SCN9A: variants seen among roughly 807,000 people sequenced by gnomAD.
SCN9A encodes sodium channel protein type 9 subunit alpha.
A neutral mutation model predicts 187.0 loss-of-function variants in SCN9A; 131 were observed. That is an observed-to-expected ratio of 0.70 (90% CI 0.61 to 0.81). SCN9A has a LOEUF of 0.81. Ranked by LOEUF, SCN9A falls within the 30% of genes least tolerant of loss-of-function variation. SCN9A has a pLI of 0.00. For synonymous variants in SCN9A, 809 were observed against 808.6 expected (o/e 1.00, Z -0.01); for missense variants, 2,252 against 2,396.6 (o/e 0.94, Z 1.26).
At chr2:166,314,960 T>A (rs1291754672) in intron 1 of SCN9A, among the ~76,000 whole-genome samples, 1 of 152,206 alleles carries the variant, frequency 6.6e-6, no homozygotes, top group Non-Finnish European at 1.5e-5. Flanking sequence ...GGTGATTTTT[T>A]ATGGTGTGTA....
At chr2:166,369,166 A>C (rs6732242) in intron 1 of SCN9A, among the ~76,000 whole-genome samples, 46,222 of 151,476 alleles carry the variant, frequency 0.31, 9,741 homozygotes, top group African/African-American at 0.6. Flanking sequence ...AATATACTCT[A>C]TATATAACAT....
intron 1 of SCN9A, among the ~76,000 whole-genome samples, chr2:166,325,607 C>T (rs905002129): frequency 5.9e-5 from 9 of 152,124 alleles, no homozygotes; most frequent in South Asian, 4.1e-4. Flanking sequence ...TTAACTCCCT[C>T]AACCATGGTA....
intron 1 of SCN9A, among the ~76,000 whole-genome samples, chr2:166,337,878 T>C (rs1699667427): frequency 6.6e-6 from 1 of 152,122 alleles, no homozygotes; most frequent in South Asian, 2.1e-4. Flanking sequence ...AGAATCATAC[T>C]TGAACCAATA....
chr2:166,240,481 T>A (rs1558975393), intron 19 of SCN9A, among the ~76,000 whole-genome samples: 2 of 152,156 alleles, frequency 1.3e-5, no homozygotes, highest in East Asian at 3.8e-4. Flanking sequence ...AATGTCTTCC[T>A]CTGTTTTAGA....
At chr2:166,230,350 C>T (rs1460779041) in intron 21 of SCN9A, among the ~76,000 whole-genome samples, 1 of 152,106 alleles carries the variant, frequency 6.6e-6, no homozygotes, top group Non-Finnish European at 1.5e-5. Flanking sequence ...CAGATTCTTA[C>T]AGTCTATGTG....
intron 1 of SCN9A, among the ~76,000 whole-genome samples, chr2:166,331,232 G>T (rs1034803277): frequency 6.6e-6 from 1 of 151,906 alleles, no homozygotes; most frequent in South Asian, 2.1e-4. Context: ...TATCAATTTT[G>T]TAATGGAGAA....
intron 1 of SCN9A, among the ~76,000 whole-genome samples, chr2:166,322,850 C>T (rs915898236): frequency 6.6e-6 from 1 of 152,118 alleles, no homozygotes; most frequent in African/African-American, 2.4e-5. Flanking sequence ...TACTTACTAG[C>T]TAAATGATCT....
intron 1 of SCN9A, among the ~76,000 whole-genome samples, chr2:166,370,192 AAAT>A (rs752123654): frequency 0.021 from 3,007 of 141,260 alleles, 85 homozygotes; most frequent in Admixed American, 0.069. Context: ...CCCCCAGTTA[AAAT>A]AATAATAATA....
chr2:166,304,019 C>A, intron 6 of SCN9A: 1 of 1,611,024 alleles, frequency 6.2e-7, no homozygotes, highest in Non-Finnish European at 8.5e-7. Context: ...TGGTGTTTAA[C>A]CCCACTCTCA....
intron 24 of SCN9A, among the ~76,000 whole-genome samples, chr2:166,217,407 C>T (rs1428489893): frequency 6.6e-6 from 1 of 151,904 alleles, no homozygotes; most frequent in African/African-American, 2.4e-5. Flanking sequence ...GAAGCAATAA[C>T]AGAGTGGAGA....
chr2:166,228,835 T>C lies in SCN9A; in HGVS notation c.4062A>G (p.Thr1354=), dbSNP rs751214967. The C allele has an allele frequency of 7.4e-6, 12 of 1,613,872 alleles. No homozygotes were observed. Among genetic ancestry groups the C allele is most frequent in the Admixed American group, 3.3e-5 (2 of 60,002 alleles). ...AGKFYECINT[T]DGSRFPASQV... ...GACTTGCAGGAAACCGTGACCCATCTGTGGTGTTAATACACTCATAGAACT... is the reference window on the plus strand; with the variant it reads ...GACTTGCAGGAAACCGTGACCCATCCGTGGTGTTAATACACTCATAGAACT... The change falls in exon 22 of 27, where the codon ACA becomes ACG. Residue 1354 remains threonine, a synonymous_variant. Transcript: ENST00000642356.
At chr2:166,266,044 T>A (rs1360116865) in intron 17 of SCN9A, among the ~76,000 whole-genome samples, 1 of 152,076 alleles carries the variant, frequency 6.6e-6, no homozygotes, top group African/African-American at 2.4e-5. Flanking sequence ...TTTGCCTTGC[T>A]GTGCAGAAGC....
chr2:166,278,254 A>G lies in SCN9A; in HGVS notation c.2403T>C (p.Tyr801=). Reference sequence around the variant, plus strand: ...TATTCCAGCCTACTTGGAAATACTCATATGGATCCATGGCAATCAGTTTTA... The same window carrying G: ...TATTCCAGCCTACTTGGAAATACTCGTATGGATCCATGGCAATCAGTTTTA... ...MVLKLIAMDP[Y]EYFQVGWNIF... is the part of the protein sequence containing the mutation. Residue 801 remains tyrosine (Y), a synonymous_variant, in exon 15 of 27, where the codon TAT becomes TAC. Coordinates refer to ENST00000642356, the MANE Select transcript of SCN9A (RefSeq NM_001365536.1). 1.2e-6 allele frequency: 2 copies of G among 1,612,294 alleles called. No homozygotes were observed. Among genetic ancestry groups the G allele is most frequent in the South Asian group, 2.2e-5 (2 of 90,864 alleles).
At chr2:166,304,595 A>T (rs1338167278) in intron 5 of SCN9A, among the ~76,000 whole-genome samples, 1 of 152,140 alleles carries the variant, frequency 6.6e-6, no homozygotes, top group Admixed American at 6.6e-5. Context: ...TTGGACCCTT[A>T]ACATTATGGT....
chr2:166,373,675 A>T (rs1700617866), intron 1 of SCN9A, among the ~76,000 whole-genome samples: 1 of 152,160 alleles, frequency 6.6e-6, no homozygotes, highest in South Asian at 2.1e-4. Context: ...TATTCAGATA[A>T]TGAAGATGGG....
At chr2:166,221,411 T>C (rs1159574254) in intron 24 of SCN9A, among the ~76,000 whole-genome samples, 1 of 152,170 alleles carries the variant, frequency 6.6e-6, no homozygotes, top group Non-Finnish European at 1.5e-5. Flanking sequence ...TATTTATTTA[T>C]TTATTGAGAG....
Position 166,203,990 on chromosome 2 carries a change from A to T in SCN9A, c.4739T>A (p.Ile1580Asn). Residue 1580 changes from isoleucine (I) to asparagine (N), a missense_variant, in exon 26 of 27, where the codon ATT (isoleucine) becomes AAT (asparagine). Physicochemically the swap from Ile to Asn is moderately radical, Grantham distance 149 (BLOSUM62 -3). Transcript: ENST00000642356. Reference sequence around the variant, plus strand: ...GATAATCACAACCACAAAATCAAAAATATTCCATCCTACAGTGAAGTAGTA... The same window carrying T: ...GATAATCACAACCACAAAATCAAAATTATTCCATCCTACAGTGAAGTAGTA... ...RHYYFTVGWN[I>N]FDFVVVIISI... 1.3e-6 allele frequency: 2 copies of T among 1,598,980 alleles called. No homozygotes were observed. Among genetic ancestry groups the T allele is most frequent in the Non-Finnish European group, 1.7e-6 (2 of 1,168,142 alleles).
intron 26 of SCN9A, among the ~76,000 whole-genome samples, chr2:166,201,624 G>A (rs905254280): frequency 3.8e-5 from 2 of 53,290 alleles, no homozygotes; most frequent in Admixed American, 1.6e-4. Context: ...TAGAGTATGC[G>A]TATACTATAT....
rs368621264 is a variant in SCN9A at position 166,301,232 on chromosome 2, T to TA, written c.901+1857dup. On this transcript the variant is annotated intron_variant, in intron 7 of 26. Transcript: ENST00000642356. Reference sequence around the variant, plus strand: ...TCTGTGTACATAGAGAATTGCAATCTAACTTCATATGTAAACAAATTGCAT... The same window carrying TA: ...TCTGTGTACATAGAGAATTGCAATCTAAACTTCATATGTAAACAAATTGCAT... The TA allele has an allele frequency of 1.9e-3, 292 of 150,752 alleles. 23 individuals carry two copies. Among genetic ancestry groups the TA allele is most frequent in the African/African-American group, 7.2e-3 (288 of 40,176 alleles). 9.3% of individuals were successfully genotyped at this position (150,752 alleles called of 1,614,324 possible).
Sources: allele counts gnomAD v4.1 joint callset (sites outside exome capture counted in the v4.1 genomes callset), GRCh38; gene constraint gnomAD v4.1.1; transcripts MANE v1.5; gene names NCBI Gene and HGNC (gene_info 2026-07-23, HGNC 2026-07-21).